ERBB2: variants seen among roughly 807,000 people sequenced by gnomAD.
The protein encoded by ERBB2 is receptor tyrosine-protein kinase erbB-2.
A neutral mutation model predicts 149.0 loss-of-function variants in ERBB2; 61 were observed. That is an observed-to-expected ratio of 0.41 (90% CI 0.33 to 0.51). ERBB2 has a LOEUF of 0.51. ERBB2 is among the 20% of genes least tolerant of loss of function. The probability of loss-of-function intolerance (pLI) is 0.25; values close to 1 mark genes in which losing one functional copy is unlikely to be tolerated. For missense variants in ERBB2, 1,205 were observed against 1,655.1 expected (o/e 0.73, Z 4.72); for synonymous variants, 633 against 678.8 (o/e 0.93, Z 1.05).
chr17:39,705,866 G>T (rs183236409), intron 1 of ERBB2, among the ~76,000 whole-genome samples: 185 of 152,284 alleles, frequency 1.2e-3, no homozygotes, highest in African/African-American at 4.1e-3. Flanking sequence ...TGACCGGCAG[G>T]AATTCTGGGC....
In ERBB2 at chr17:39,725,170, T is replaced by C; in HGVS notation, c.2615T>C (p.Ile872Thr). ...TTCGGGCTGGCTCGGCTGCTGGACA[T>C]TGACGAGACAGAGTACCATGCAGAT... Reference protein sequence around the residue: ...TDFGLARLLDIDETEYHADGG... With the variant: ...TDFGLARLLDTDETEYHADGG... The change falls in exon 21 of 27, where the codon ATT (isoleucine) becomes ACT (threonine). Residue 872 changes from isoleucine (I) to threonine (T), a missense_variant. Transcript: ENST00000269571. The surrounding 1 kb of genome is among the most constrained non-coding windows in gnomAD (Gnocchi z 4.6). 3 of 1,614,004 alleles carry C rather than the reference T, an allele frequency of 1.9e-6. No homozygotes were observed. Among genetic ancestry groups the C allele is most frequent in the Non-Finnish European group, 1.7e-6 (2 of 1,180,008 alleles).
rs2057636643 is a variant in ERBB2, at chr17:39,689,195, C to G, written c.-277+395C>G. Among the ~76,000 whole-genome samples the G allele has an allele frequency of 3.9e-5, 6 of 152,176 alleles. No individual in the cohort carries two copies. In the South Asian group the frequency reaches 1.2e-3, roughly 31 times the overall value. On this transcript the variant is annotated intron_variant, in intron 2 of 17. Transcript: ENST00000578199. ...ATTTCTGAGTCCTTAGCTCTAGCAC[C>G]TTGCTAAGCAAGGCAAAATCTCCAG... is the stretch of plus-strand genomic sequence containing the variant.
intron 15 of ERBB2, among the ~76,000 whole-genome samples, chr17:39,718,454 T>G (rs953332746): frequency 6.6e-6 from 1 of 152,216 alleles, no homozygotes; most frequent in Non-Finnish European, 1.5e-5. Flanking sequence ...ATAGACATAC[T>G]ACATTTATAT....
upstream of ERBB2, among the ~76,000 whole-genome samples, chr17:39,691,934 CAT>C (rs57592884): frequency 2.0e-3 from 238 of 120,838 alleles, 1 homozygote; most frequent in East Asian, 2.3e-3. Flanking sequence ...TATACATATA[CAT>C]ATATATATAT....
At position 39,715,836 on chromosome 17, in the gene ERBB2, T is replaced by C. The variant is rs2145655604; in HGVS notation, c.1410T>C (p.His470=). ...GCAGTGGACTGGCCCTCATCCACCA[T>C]AACACCCACCTCTGCTTCGTGCACA... ...ELGSGLALIH[H]NTHLCFVHTV... is the part of the protein sequence containing the mutation. Residue 470 remains histidine (H), a synonymous_variant, in exon 12 of 27, where the codon CAT becomes CAC. Transcript: ENST00000269571. 1 of 1,612,238 alleles carries C rather than the reference T, an allele frequency of 6.2e-7. No homozygotes were observed. Among genetic ancestry groups the C allele is most frequent in the Non-Finnish European group, 8.5e-7 (1 of 1,180,012 alleles).
rs537454039 is a variant in ERBB2 at position 39,724,097 on chromosome 17, T to A, written c.2307+87T>A. 2.2e-4 allele frequency: 204 copies of A among 912,176 alleles called. No individual in the cohort carries two copies. In the African/African-American group the frequency reaches 3.1e-3, roughly 14 times the overall value. The allele number at this position is 912,176 out of a possible 1,614,324, so 56.5% of individuals were successfully genotyped here. The stretch of plus-strand genomic sequence containing the variant: ...GCTCTGGTCTCTCTTCATTGGGGTT[T>A]GGGGAGATATGACTCCCGCAAACCT... On this transcript the variant is annotated intron_variant, in intron 19 of 26. Transcript: ENST00000269571.
At chr17:39,692,711 G>A (rs1157206986), upstream of ERBB2, among the ~76,000 whole-genome samples, 1 of 151,960 alleles carries the variant, frequency 6.6e-6, no homozygotes, top group African/African-American at 2.4e-5. Flanking sequence ...GGCCAGGAAC[G>A]CTTTTTATTT....
At chr17:39,721,921 T>A (rs867730142) in intron 16 of ERBB2, among the ~76,000 whole-genome samples, 4 of 152,108 alleles carry the variant, frequency 2.6e-5, no homozygotes, top group Non-Finnish European at 5.9e-5. Flanking sequence ...TATTTATTTA[T>A]TTATTATTTA....
intron 16 of ERBB2, among the ~76,000 whole-genome samples, chr17:39,720,933 C>A (rs915739313): frequency 6.6e-6 from 1 of 152,150 alleles, no homozygotes; most frequent in African/African-American, 2.4e-5. Context: ...CAGACATGAG[C>A]CACCGTGCCC....
intron 19 of ERBB2, among the ~76,000 whole-genome samples, chr17:39,724,272 A>ACTTTTTTTTTTTTTTTTTTTT (rs2059614899): frequency 1.3e-5 from 1 of 77,016 alleles, no homozygotes; most frequent in Non-Finnish European, 2.7e-5. Context: ...GCGCCCGCTA[A>ACTTTTTTTTTTTTTTTTTTTT]TTTTTTTTTT....
chr17:39,709,284 G>A (rs2145467464), intron 3 of ERBB2, 34 bp from the exon 4 acceptor site: 1 of 1,612,740 alleles, frequency 6.2e-7, no homozygotes, highest in Non-Finnish European at 8.5e-7. Flanking sequence ...TGACAGAAGG[G>A]GAAAGGGTCC....
chr17:39,710,448 A>G lies in ERBB2; in HGVS notation c.868A>G (p.Thr290Ala), dbSNP rs746190897. ...CATGCCCAATCCCGAGGGCCGGTAT[A>G]CATTCGGCGCCAGCTGTGTGACTGC... ...ESMPNPEGRYTFGASCVTACP... is the reference protein window; with the variant it reads ...ESMPNPEGRYAFGASCVTACP... The change falls in exon 7 of 27, where the codon ACA (threonine) becomes GCA (alanine). Residue 290 changes from threonine to alanine, a missense_variant. Transcript: ENST00000269571. 1.1e-5 allele frequency: 17 copies of G among 1,614,036 alleles called. No individual in the cohort carries two copies. The South Asian group carries it at 1.9e-4, about 18-fold the overall frequency.
At chr17:39,709,549 C>T (rs2145482645) in intron 4 of ERBB2, 97 bp downstream of exon 4, 2 of 1,414,814 alleles carry the variant, frequency 1.4e-6, no homozygotes, top group Non-Finnish European at 2.0e-6. Flanking sequence ...GCCACTGCCC[C>T]AGCCGCCTAC....
Position 39,727,408 on chromosome 17 carries a change from A to C in ERBB2, c.3273A>C (p.Gly1091=). The C allele has an allele frequency of 6.2e-7, 1 of 1,611,206 alleles. No individual in the cohort carries two copies. Among genetic ancestry groups the C allele is most frequent in the Non-Finnish European group, 8.5e-7 (1 of 1,178,930 alleles). The change falls in exon 26 of 27, where the codon GGA becomes GGC. Residue 1091 remains glycine (G), a synonymous_variant. Coordinates refer to ENST00000269571, the MANE Select transcript of ERBB2 (RefSeq NM_004448.4). This position sits in a 1 kb window ranked among gnomAD's most constrained non-coding sequence, Gnocchi z 4.3. ...CCGATGTATTTGATGGTGACCTGGGAATGGGGGCAGCCAAGGGGCTGCAAA... is the reference window on the plus strand; with the variant it reads ...CCGATGTATTTGATGGTGACCTGGGCATGGGGGCAGCCAAGGGGCTGCAAA... The part of the protein sequence containing the change: ...AGSDVFDGDL[G]MGAAKGLQSL...
chr17:39,715,990 G>GCAC (rs780400270), intron 12 of ERBB2, 51 bp downstream of exon 12: 3 of 1,554,302 alleles, frequency 1.9e-6, no homozygotes, highest in African/African-American at 2.7e-5. Flanking sequence ...GCACACAGCA[G>GCAC]TGCCCAGGGG....
Position 39,708,541 on chromosome 17 carries a change from T to C in ERBB2, c.439+7T>C, listed in dbSNP as rs770997144. 5.0e-6 allele frequency: 8 copies of C among 1,610,436 alleles called. No individual in the cohort carries two copies. The highest frequency in any genetic ancestry group is 3.3e-5 in the Admixed American group (2 of 59,908). ...CAGCTTCGAAGCCTCACAGGTGGCC[T>C]TCACCGTCATTGAAACCTTCTCTTG... On this transcript the variant is annotated splice_region_variant and intron_variant, in intron 3 of 26. Transcript: ENST00000269571.
upstream of ERBB2, among the ~76,000 whole-genome samples, chr17:39,692,391 G>C (rs909815320): frequency 8.6e-5 from 13 of 152,018 alleles, no homozygotes; most frequent in Non-Finnish European, 1.3e-4. Context: ...TGATCAATAG[G>C]GAAGTAAGGA....
intron 15 of ERBB2, chr17:39,717,766 GTTA>G (rs1458940509): frequency 8.8e-6 from 2 of 226,918 alleles, no homozygotes; most frequent in African/African-American, 4.6e-5. Flanking sequence ...TTATTCTCCA[GTTA>G]TTTTTATCTG....
chr17:39,701,460 T>A (rs1398541495), intron 1 of ERBB2, among the ~76,000 whole-genome samples: 1 of 152,100 alleles, frequency 6.6e-6, no homozygotes, highest in East Asian at 1.9e-4. Flanking sequence ...TGAGGGACAC[T>A]GCTCCCTGAG....
Sources: allele counts gnomAD v4.1 joint callset (sites outside exome capture counted in the v4.1 genomes callset), GRCh38; gene constraint gnomAD v4.1.1; non-coding constraint Gnocchi (gnomAD v3.1); transcripts MANE v1.5; gene names NCBI Gene and HGNC (gene_info 2026-07-23, HGNC 2026-07-21).